Variants in SNTB1 observed in about 807,000 individuals in gnomAD.
SNTB1 encodes the protein syntrophin beta 1, also known as beta-1-syntrophin.
A neutral mutation model predicts 48.9 loss-of-function variants in SNTB1; 36 were observed. That is an observed-to-expected ratio of 0.74 (90% CI 0.56 to 0.97). SNTB1 has a LOEUF of 0.97. SNTB1 is among the 50% of genes least tolerant of loss of function. The pLI is 0.00. For missense variants in SNTB1, 786 were observed against 703.4 expected (o/e 1.12, Z -1.33); for synonymous variants, 299 against 294.6 (o/e 1.01, Z -0.15).
chr8:120,646,847 G>A (rs1259593317), intron 2 of SNTB1, among the ~76,000 whole-genome samples: 2 of 152,088 alleles, frequency 1.3e-5, no homozygotes, highest in Non-Finnish European at 2.9e-5. Context: ...TTCAGCTCCT[G>A]TTATTGGTCT....
At chr8:120,707,999 G>A (rs1275331801) in intron 1 of SNTB1, among the ~76,000 whole-genome samples, 1 of 151,228 alleles carries the variant, frequency 6.6e-6, no homozygotes, top group Non-Finnish European at 1.5e-5. Flanking sequence ...AGGTCATATA[G>A]GAAATCCTAA....
chr8:120,560,125 C>G (rs889588648), intron 4 of SNTB1, among the ~76,000 whole-genome samples: 2 of 152,222 alleles, frequency 1.3e-5, no homozygotes, highest in African/African-American at 2.4e-5. Context: ...CACTCTCTAA[C>G]TCCCTGCATC....
chr8:120,793,961 A>G (rs1247951401), intron 1 of SNTB1, among the ~76,000 whole-genome samples: 1 of 152,052 alleles, frequency 6.6e-6, no homozygotes, highest in African/African-American at 2.4e-5. Flanking sequence ...TATTTTTAAT[A>G]TAGATCAAGT....
At chr8:120,807,073 C>T (rs1454607003) in intron 1 of SNTB1, among the ~76,000 whole-genome samples, 1 of 152,180 alleles carries the variant, frequency 6.6e-6, no homozygotes, top group Non-Finnish European at 1.5e-5. Context: ...CTTTGAGTTT[C>T]CACTGTTTCC....
chr8:120,801,819 A>G (rs1304554389), intron 1 of SNTB1, among the ~76,000 whole-genome samples: 3 of 152,088 alleles, frequency 2.0e-5, no homozygotes, highest in Non-Finnish European at 4.4e-5. Context: ...TAAATTATCT[A>G]TCTAAACTTT....
chr8:120,656,383 A>C (rs138215976), intron 2 of SNTB1, among the ~76,000 whole-genome samples: 112 of 152,364 alleles, frequency 7.4e-4, no homozygotes, highest in African/African-American at 2.5e-3. Flanking sequence ...CATTTACAAA[A>C]TATGTGGAGA....
At chr8:120,730,381 T>A (rs1167460602) in intron 1 of SNTB1, among the ~76,000 whole-genome samples, 6 of 152,044 alleles carry the variant, frequency 3.9e-5, no homozygotes, top group Non-Finnish European at 8.8e-5. Context: ...TAGAGTAGGG[T>A]TTCGCCATGT....
At chr8:120,733,122 C>T (rs1278208041) in intron 1 of SNTB1, among the ~76,000 whole-genome samples, 2 of 152,114 alleles carry the variant, frequency 1.3e-5, no homozygotes, top group Non-Finnish European at 2.9e-5. Context: ...CGTGTATATG[C>T]CAAGTATGAG....
intron 5 of SNTB1, among the ~76,000 whole-genome samples, chr8:120,545,295 G>A (rs1191049708): frequency 6.6e-6 from 1 of 152,174 alleles, no homozygotes. Context: ...AGGGAGCCGA[G>A]ATCATGCCAT....
chr8:120,736,725 CA>C (rs1818950112), intron 1 of SNTB1, among the ~76,000 whole-genome samples: 1 of 152,190 alleles, frequency 6.6e-6, no homozygotes, highest in Admixed American at 6.5e-5. Context: ...TGGCAGAACT[CA>C]AACACTGAAG....
intron 2 of SNTB1, among the ~76,000 whole-genome samples, chr8:120,685,952 C>T (rs1409133398): frequency 6.6e-6 from 1 of 152,194 alleles, no homozygotes; most frequent in African/African-American, 2.4e-5. Context: ...TTCTTTGCCA[C>T]TTTATAATGA....
chr8:120,732,022 A>C (rs1818861204), intron 1 of SNTB1, among the ~76,000 whole-genome samples: 1 of 152,186 alleles, frequency 6.6e-6, no homozygotes, highest in Admixed American at 6.5e-5. Flanking sequence ...CTATAAGGCA[A>C]TTGGGCTCTT....
At chr8:120,664,801 T>C (rs1034948471) in intron 2 of SNTB1, among the ~76,000 whole-genome samples, 3 of 152,226 alleles carry the variant, frequency 2.0e-5, no homozygotes, top group African/African-American at 7.2e-5. Flanking sequence ...GGAGAGGAAT[T>C]GCTGGCTCAT....
At chr8:120,742,355 C>T (rs985973188) in intron 1 of SNTB1, among the ~76,000 whole-genome samples, 1 of 152,084 alleles carries the variant, frequency 6.6e-6, no homozygotes, top group African/African-American at 2.4e-5. Context: ...AAAAGTGTAC[C>T]AACCCAGAAT....
intron 2 of SNTB1, chr8:120,637,693 C>T: frequency 4.8e-6 from 2 of 414,580 alleles, no homozygotes; most frequent in Middle Eastern, 3.8e-4. Context: ...TGATCCCATT[C>T]ATGGCTGCAC....
At chr8:120,554,970 AATTC>A (rs1259576040) in intron 4 of SNTB1, among the ~76,000 whole-genome samples, 1 of 151,968 alleles carries the variant, frequency 6.6e-6, no homozygotes, top group Non-Finnish European at 1.5e-5. Context: ...ATCACTCGCT[AATTC>A]ATTCATTCAT....
intron 2 of SNTB1, among the ~76,000 whole-genome samples, chr8:120,642,790 T>C (rs557995705): frequency 6.6e-6 from 1 of 152,212 alleles, no homozygotes; most frequent in Admixed American, 6.5e-5. Flanking sequence ...TGCACACCTG[T>C]AGTCCCAGCT....
At chr8:120,729,463 G>A (rs758652588) in intron 1 of SNTB1, among the ~76,000 whole-genome samples, 123 of 152,242 alleles carry the variant, frequency 8.1e-4, no homozygotes, top group Non-Finnish European at 1.4e-3. Context: ...AATAATGTAC[G>A]AATATATATG....
intron 1 of SNTB1, among the ~76,000 whole-genome samples, chr8:120,746,089 G>T (rs1462436313): frequency 6.6e-6 from 1 of 152,088 alleles, no homozygotes; most frequent in Non-Finnish European, 1.5e-5. Flanking sequence ...GTTGAGCCTT[G>T]AACAACATAG....
Sources: allele counts gnomAD v4.1 joint callset (sites outside exome capture counted in the v4.1 genomes callset), GRCh38; gene constraint gnomAD v4.1.1; transcripts MANE v1.5; gene names NCBI Gene and HGNC (gene_info 2026-07-23, HGNC 2026-07-21).